The following ELL variants were observed in gnomAD, a reference collection of about 807,000 sequenced individuals.
The protein encoded by ELL is elongation factor for RNA polymerase II, also known as RNA polymerase II elongation factor ELL.
ELL carries 18 observed loss-of-function variants against 64.0 expected under a neutral mutation model. The ratio of observed to expected loss-of-function variants is 0.28; its 90% confidence interval spans 0.19 to 0.42. ELL has a LOEUF of 0.42. Ranked by LOEUF, ELL falls within the 10% of genes least tolerant of loss-of-function variation. The pLI is 1.00. For missense variants in ELL, 797 were observed against 870.4 expected, an observed-to-expected ratio of 0.92 and a Z score of 1.06; for synonymous variants, 399 against 376.2, an observed-to-expected ratio of 1.06 and a Z score of -0.70.
chr19:18,518,148 AT>A (rs1976168356), intron 1 of ELL, among the ~76,000 whole-genome samples: 1 of 151,180 alleles, frequency 6.6e-6, no homozygotes, highest in African/African-American at 2.4e-5. Flanking sequence ...AGATAACACC[AT>A]TACACTCCAG....
intron 2 of ELL, among the ~76,000 whole-genome samples, chr19:18,466,525 A>G (rs1974938990): frequency 6.6e-6 from 1 of 152,184 alleles, no homozygotes; most frequent in Admixed American, 6.5e-5. Context: ...GGGTCACACC[A>G]GCCTGACTTT....
chr19:18,467,567 C>T lies in ELL; in HGVS notation c.184-1649G>A, dbSNP rs553285248. ...CACTCAGCATCGGAGAAATCACACA[C>T]ATATAGCCTCTGATGATTCACCCTC... is the stretch of plus-strand genomic sequence containing the variant. On this transcript the variant is annotated intron_variant, in intron 2 of 11. Transcript: ENST00000262809. Among the ~76,000 whole-genome samples the T allele has an allele frequency of 2.0e-5, 3 of 151,892 alleles. No individual in the cohort carries two copies. The South Asian group carries it at 6.2e-4, about 31-fold the overall frequency.
Position 18,501,209 on chromosome 19 carries a change from G to A in ELL, c.135+20712C>T, listed in dbSNP as rs1251961716. Among the ~76,000 whole-genome samples the A allele has an allele frequency of 3.3e-5, 5 of 152,024 alleles. No homozygotes were observed. Among genetic ancestry groups the A allele is most frequent in the African/African-American group, 7.3e-5 (3 of 41,374 alleles). On this transcript the variant is annotated intron_variant, in intron 1 of 11. Coordinates refer to ENST00000262809, the MANE Select transcript of ELL (RefSeq NM_006532.4). The surrounding 1 kb of genome is among the most constrained non-coding windows in gnomAD (Gnocchi z 4.5). ...TGTGACACAGTGAACCCCACTCCAC[G>A]CCAAACCACCCAATGGGAAACAGTG...
rs762985669 is a variant in ELL at position 18,446,306 on chromosome 19, T to C, written c.1704+3A>G. 1 of 1,573,326 alleles carries C rather than the reference T, an allele frequency of 6.4e-7. No individual in the cohort carries two copies. Among genetic ancestry groups the C allele is most frequent in the Non-Finnish European group, 8.6e-7 (1 of 1,162,960 alleles). ...GGCACAGTAGGCAGCGGGGGGGCTCTACCTCATACTCCTCGGAGCCCTGGG... is the reference window on the plus strand; with the variant it reads ...GGCACAGTAGGCAGCGGGGGGGCTCCACCTCATACTCCTCGGAGCCCTGGG... On this transcript the variant is annotated splice_donor_region_variant and intron_variant, in intron 10 of 11. Coordinates refer to ENST00000262809, the MANE Select transcript of ELL (RefSeq NM_006532.4).
chr19:18,460,468 C>T (rs1974781990), intron 5 of ELL, among the ~76,000 whole-genome samples: 1 of 152,210 alleles, frequency 6.6e-6, no homozygotes, highest in African/African-American at 2.4e-5. Context: ...ACCTCCTGGC[C>T]AGGCCAATGC....
chr19:18,495,086 A>G (rs1975618946), intron 1 of ELL, among the ~76,000 whole-genome samples: 1 of 152,248 alleles, frequency 6.6e-6, no homozygotes, highest in African/African-American at 2.4e-5. Context: ...CTGCCCATTC[A>G]GAGCCCCTGG....
chr19:18,466,063 A>C, intron 2 of ELL, 145 bp from the exon 3 acceptor site: 1 of 825,918 alleles, frequency 1.2e-6, no homozygotes, highest in Non-Finnish European at 1.6e-6. Flanking sequence ...CCTGCTCTTC[A>C]GCCAGTGACG....
chr19:18,454,447 C>T (rs1371884755), intron 6 of ELL, among the ~76,000 whole-genome samples: 2 of 151,530 alleles, frequency 1.3e-5, no homozygotes, highest in African/African-American at 4.9e-5. Flanking sequence ...AGCAGTGAGC[C>T]GAGATCGCGC....
chr19:18,515,027 G>A (rs1976100091), intron 1 of ELL, among the ~76,000 whole-genome samples: 1 of 152,230 alleles, frequency 6.6e-6, no homozygotes, highest in South Asian at 2.1e-4. Flanking sequence ...CAAAGGTGAT[G>A]AACTACGGCC....
At position 18,444,723 on chromosome 19, in the gene ELL, T is replaced by TC. The variant is rs1219498380; in HGVS notation, c.*28dup. 6.3e-7 allele frequency: 1 copy of TC among 1,579,412 alleles called. No homozygotes were observed. The highest frequency in any genetic ancestry group is 8.6e-7 in the Non-Finnish European group (1 of 1,164,880). On this transcript the variant is annotated 3_prime_UTR_variant, in exon 12 of 12. Coordinates refer to ENST00000262809, the MANE Select transcript of ELL (RefSeq NM_006532.4). ...TCACCGCCTTTTGCTCCCCCGACCC[T>TC]CCCAGATCCCCGCCATCGGGGAGGG...
At chr19:18,476,276 T>G (rs907870156) in intron 1 of ELL, among the ~76,000 whole-genome samples, 1 of 152,374 alleles carries the variant, frequency 6.6e-6, no homozygotes, top group Admixed American at 6.5e-5. Context: ...GCACCCTGTC[T>G]ACTGTCCATG....
chr19:18,506,091 C>T (rs1018361008), intron 1 of ELL, among the ~76,000 whole-genome samples: 2 of 152,212 alleles, frequency 1.3e-5, no homozygotes, highest in African/African-American at 4.8e-5. Context: ...GCCCACTGAC[C>T]CAGCCTCCCT....
chr19:18,492,633 T>C (rs1180869904), intron 1 of ELL, among the ~76,000 whole-genome samples: 1 of 152,214 alleles, frequency 6.6e-6, no homozygotes, highest in Non-Finnish European at 1.5e-5. Context: ...GAGCGACTGA[T>C]AACTCTCCTG....
intron 1 of ELL, among the ~76,000 whole-genome samples, chr19:18,518,184 T>C (rs1364428995): frequency 1.5e-5 from 2 of 137,612 alleles, no homozygotes; most frequent in Admixed American, 7.3e-5. Flanking sequence ...TGAAACTCTG[T>C]CTCAAAAAAC....
chr19:18,480,178 T>C (rs1055536879), intron 1 of ELL, among the ~76,000 whole-genome samples: 2 of 152,074 alleles, frequency 1.3e-5, no homozygotes, highest in African/African-American at 2.4e-5. Context: ...GAAGGTGAAG[T>C]CCCGGGAAGA....
intron 2 of ELL, among the ~76,000 whole-genome samples, chr19:18,469,705 C>A (rs1224537955): frequency 6.6e-6 from 1 of 152,240 alleles, no homozygotes; most frequent in Non-Finnish European, 1.5e-5. Flanking sequence ...TCATCCTAGG[C>A]GCTTCCGCAG....
At position 18,446,749 on chromosome 19, in the gene ELL, G is replaced by C; in HGVS notation, c.1531C>G (p.Leu511Val). The C allele has an allele frequency of 1.2e-6, 2 of 1,613,970 alleles. No homozygotes were observed. The highest frequency in any genetic ancestry group is 1.7e-6 in the Non-Finnish European group (2 of 1,179,972). The change falls in exon 9 of 12, where the codon CTG (leucine) becomes GTG (valine). Residue 511 changes from leucine to valine, a missense_variant and splice_region_variant. Coordinates refer to ENST00000262809, the MANE Select transcript of ELL (RefSeq NM_006532.4). ...TSTSETPDYL[L>V]KYAAISSSEQ... ...TGCAGGGCCCAGACAAACACTCACAGCAAGTAGTCAGGCGTCTCCGACGTG... is the reference window on the plus strand; with the variant it reads ...TGCAGGGCCCAGACAAACACTCACACCAAGTAGTCAGGCGTCTCCGACGTG...
Position 18,444,692 on chromosome 19 carries a change from C to A in ELL, c.*60G>T. 6.8e-7 allele frequency: 1 copy of A among 1,479,484 alleles called. No homozygotes were observed. The highest frequency in any genetic ancestry group is 9.1e-7 in the Non-Finnish European group (1 of 1,100,024). 91.6% of individuals were successfully genotyped at this position (1,479,484 alleles called of 1,614,324 possible). On this transcript the variant is annotated 3_prime_UTR_variant, in exon 12 of 12. Transcript: ENST00000262809. ...CTCGGGTTTATTTTTTTAAATAAAT[C>A]CTCTCTCACCGCCTTTTGCTCCCCC...
At chr19:18,500,661 T>C (rs1051405146) in intron 1 of ELL, among the ~76,000 whole-genome samples, 5 of 152,154 alleles carry the variant, frequency 3.3e-5, no homozygotes, top group African/African-American at 1.2e-4. Context: ...CTGCAACCTC[T>C]TGGCGAGCTC....
Sources: gnomAD v4.1 joint callset for allele counts (sites outside exome capture counted in the v4.1 genomes callset) on GRCh38, gnomAD v4.1.1 for gene constraint, Gnocchi (gnomAD v3.1) non-coding constraint, MANE v1.5 for transcripts, NCBI Gene and HGNC (gene_info 2026-07-23, HGNC 2026-07-21) for gene names.